Variants in SDK1 observed in about 807,000 individuals in gnomAD.
SDK1 encodes the protein protein sidekick-1.
In SDK1, 157 loss-of-function variants were observed where a neutral mutation model predicts 245.5. The observed-to-expected ratio is 0.64, with a 90% CI of 0.56 to 0.73. The LOEUF (loss-of-function observed/expected upper bound fraction) is 0.73, where lower values mean the gene tolerates loss of function less well. Among genes scored for constraint, SDK1 ranks in the 30% least tolerant of loss-of-function variants. SDK1 has a pLI of 0.00. For synonymous variants in SDK1, 1,647 were observed against 1,278.5 expected (o/e 1.29, Z -6.15); for missense variants, 3,583 against 3,002.3 (o/e 1.19, Z -4.52).
At chr7:3,630,035 A>G (rs1171159798) in intron 2 of SDK1, among the ~76,000 whole-genome samples, 1 of 152,220 alleles carries the variant, frequency 6.6e-6, no homozygotes, top group African/African-American at 2.4e-5. Context: ...TAGACATCAC[A>G]GAAGAAGATA....
intron 25 of SDK1, among the ~76,000 whole-genome samples, chr7:4,121,621 G>A (rs1047794339): frequency 6.6e-6 from 1 of 152,140 alleles, no homozygotes; most frequent in African/African-American, 2.4e-5. Flanking sequence ...ATTTATCACA[G>A]TGTGAAAATG....
chr7:3,735,398 A>G (rs1779291627), intron 4 of SDK1, among the ~76,000 whole-genome samples: 1 of 152,190 alleles, frequency 6.6e-6, no homozygotes, highest in Non-Finnish European at 1.5e-5. Flanking sequence ...TAGGTACCTC[A>G]TATAAGTGAA....
intron 35 of SDK1, among the ~76,000 whole-genome samples, chr7:4,204,208 T>C (rs1337660940): frequency 1.3e-5 from 2 of 152,282 alleles, no homozygotes; most frequent in African/African-American, 4.8e-5. Context: ...GAGTTGCCGA[T>C]GGCAAACATG....
At chr7:3,419,269 C>G (rs951785798) in intron 1 of SDK1, among the ~76,000 whole-genome samples, 2 of 152,198 alleles carry the variant, frequency 1.3e-5, no homozygotes, top group Non-Finnish European at 2.9e-5. Context: ...GCATTTGAAC[C>G]TAGGCATCCT....
At chr7:4,088,565 T>C (rs901935696) in intron 22 of SDK1, among the ~76,000 whole-genome samples, 1 of 152,192 alleles carries the variant, frequency 6.6e-6, no homozygotes, top group African/African-American at 2.4e-5. Context: ...GTTTTTTTTT[T>C]TTAAAGCATA....
At chr7:3,501,563 C>A (rs531579436) in intron 1 of SDK1, among the ~76,000 whole-genome samples, 1 of 152,090 alleles carries the variant, frequency 6.6e-6, no homozygotes, top group Non-Finnish European at 1.5e-5. Context: ...TTTAGTCATA[C>A]AACAGAATTC....
chr7:3,453,829 C>T (rs192035192), intron 1 of SDK1, among the ~76,000 whole-genome samples: 51 of 152,212 alleles, frequency 3.4e-4, no homozygotes, highest in African/African-American at 7.0e-4. Flanking sequence ...CAAATGATCT[C>T]CTGGACTCAA....
intron 5 of SDK1, among the ~76,000 whole-genome samples, chr7:3,884,044 TTTTGTTTG>T (rs776197135): frequency 2.0e-4 from 28 of 141,594 alleles, no homozygotes; most frequent in Non-Finnish European, 3.8e-4. Context: ...GTGATTGGTT[TTTTGTTTG>T]TTTGTTTGTT....
intron 1 of SDK1, among the ~76,000 whole-genome samples, chr7:3,393,299 C>A (rs1398451584): frequency 6.6e-6 from 1 of 151,954 alleles, no homozygotes; most frequent in Non-Finnish European, 1.5e-5. Context: ...TGGATGTATA[C>A]CCAGGAGTGA....
chr7:3,483,111 G>T lies in SDK1; in HGVS notation c.299-135969G>T, dbSNP rs1781568566. Among the ~76,000 whole-genome samples, 10 of 152,180 alleles carry T rather than the reference G, an allele frequency of 6.6e-5. No individual in the cohort carries two copies. In the South Asian group the frequency reaches 2.1e-3, roughly 32 times the overall value. On this transcript the variant is annotated intron_variant, in intron 1 of 44. Coordinates refer to ENST00000404826, the MANE Select transcript of SDK1 (RefSeq NM_152744.4). ...CTTACATATTTTATGTGAGTTTTAG[G>T]ATTGGCTTGTCAAGTTCCTGAAAAA...
intron 3 of SDK1, 76 bp from the exon 4 acceptor site, chr7:3,641,882 C>G: frequency 2.5e-6 from 3 of 1,215,184 alleles, no homozygotes; most frequent in Non-Finnish European, 3.5e-6. Context: ...GTAACACTTA[C>G]CTGTTTCCAT....
At chr7:4,115,420 C>T (rs1487098737) in intron 25 of SDK1, among the ~76,000 whole-genome samples, 1 of 152,230 alleles carries the variant, frequency 6.6e-6, no homozygotes, top group Non-Finnish European at 1.5e-5. Context: ...AAGAACAAGA[C>T]TCCCCCACTC....
At position 3,480,818 on chromosome 7, in the gene SDK1, C is replaced by A. The variant is rs192460148; in HGVS notation, c.299-138262C>A. On this transcript the variant is annotated intron_variant, in intron 1 of 44. Coordinates refer to ENST00000404826, the MANE Select transcript of SDK1 (RefSeq NM_152744.4). ...GCTTGAACAGGTGAGGAAATGGATT[C>A]ATCTCTAGAGCTTCTGGAAAGAAAG... is the stretch of plus-strand genomic sequence containing the variant. Among the ~76,000 whole-genome samples the A allele has an allele frequency of 4.1e-3, 627 of 152,300 alleles. 7 individuals carry two copies. Among genetic ancestry groups the A allele is most frequent in the South Asian group, 0.018 (86 of 4,828 alleles).
intron 1 of SDK1, among the ~76,000 whole-genome samples, chr7:3,613,698 C>G (rs1781675691): frequency 6.6e-6 from 1 of 152,088 alleles, no homozygotes; most frequent in Admixed American, 6.6e-5. Context: ...CACATATGTT[C>G]CCAATAGCAA....
At chr7:3,550,880 ACTG>A (rs2128623042) in intron 1 of SDK1, among the ~76,000 whole-genome samples, 1 of 152,316 alleles carries the variant, frequency 6.6e-6, no homozygotes, top group Admixed American at 6.5e-5. Flanking sequence ...TTTTAGCAAT[ACTG>A]CTGTGGAGCC....
chr7:3,350,488 T>C lies in SDK1; in HGVS notation c.298+48604T>C, dbSNP rs1387344640. On this transcript the variant is annotated intron_variant, in intron 1 of 44. Coordinates refer to ENST00000404826, the MANE Select transcript of SDK1 (RefSeq NM_152744.4). The stretch of plus-strand genomic sequence containing the variant: ...TTACATTGCCCAGAAGAGTTCAGTA[T>C]TCAGTCTTCTTGGTGGTTATTTTGT... 5.9e-5 allele frequency among the ~76,000 whole-genome samples: 9 copies of C among 152,212 alleles called. No individual in the cohort carries two copies. The East Asian group carries it at 1.7e-3, about 29-fold the overall frequency.
chr7:4,237,115 C>T (rs535725161), intron 41 of SDK1, among the ~76,000 whole-genome samples: 3 of 152,124 alleles, frequency 2.0e-5, no homozygotes, highest in Non-Finnish European at 4.4e-5. Flanking sequence ...TGGTCTTGAA[C>T]TCCTGGGCTT....
intron 1 of SDK1, among the ~76,000 whole-genome samples, chr7:3,436,972 A>C (rs1286464248): frequency 8.5e-5 from 13 of 152,210 alleles, no homozygotes; most frequent in Admixed American, 8.5e-4. Flanking sequence ...CTAACGGATT[A>C]GTCACAATAA....
intron 22 of SDK1, among the ~76,000 whole-genome samples, chr7:4,108,581 T>C (rs920172654): frequency 1.1e-4 from 16 of 152,162 alleles, no homozygotes; most frequent in African/African-American, 3.9e-4. Flanking sequence ...ACTTCCGGGG[T>C]ATTCATTATC....
Sources: gnomAD v4.1 joint callset for allele counts (sites outside exome capture counted in the v4.1 genomes callset) on GRCh38, gnomAD v4.1.1 for gene constraint, MANE v1.5 for transcripts, NCBI Gene and HGNC (gene_info 2026-07-23, HGNC 2026-07-21) for gene names.